Variants in SELENOP observed in about 807,000 individuals in gnomAD.
SELENOP encodes selenoprotein P, plasma, 1.
Under a neutral mutation model 41.0 loss-of-function variants are expected in SELENOP, and 36 were observed. That is an observed-to-expected ratio of 0.88 (90% CI 0.67 to 1.16). The LOEUF (loss-of-function observed/expected upper bound fraction) is 1.16. Ranked by LOEUF, SELENOP falls within the 50% of genes most tolerant of loss-of-function variation. The probability of loss-of-function intolerance (pLI) is 0.00; values close to 1 mark genes in which losing one functional copy is unlikely to be tolerated. For synonymous variants in SELENOP, 144 were observed against 150.8 expected (o/e 0.95, Z 0.33); for missense variants, 440 against 454.2 (o/e 0.97, Z 0.28).
rs952247739 is a variant in SELENOP, at chr5:42,808,255, G to A, written c.99C>T (p.Ala33=). The part of the protein sequence containing the change: ...DQSSLCKQPP[A]WSIRDQDPML... Reference sequence around the variant, plus strand: ...TTGGATCTTGATCTCTTATGCTCCAGGCTGGGGGTTGCTTACATAAGGAGC... The same window carrying A: ...TTGGATCTTGATCTCTTATGCTCCAAGCTGGGGGTTGCTTACATAAGGAGC... The change falls in exon 2 of 5, where the codon GCC becomes GCT. Residue 33 remains alanine (A), a synonymous_variant. Transcript: ENST00000514985. The A allele has an allele frequency of 6.4e-7, 1 of 1,573,582 alleles. No individual in the cohort carries two copies. Among genetic ancestry groups the A allele is most frequent in the Non-Finnish European group, 8.6e-7 (1 of 1,159,510 alleles).
intron 2 of SELENOP, chr5:42,807,623 G>C (rs1318180113): frequency 6.4e-6 from 1 of 155,064 alleles, no homozygotes; most frequent in East Asian, 1.9e-4. Context: ...TAAAGGATTT[G>C]AGCTCCATGG....
chr5:42,804,675 C>T lies in SELENOP; in HGVS notation c.515G>A (p.Cys172Tyr), dbSNP rs886488818. ...AAATACCGTGAGAGAGCAGTTTCCA[C>T]ATTTCTTTTCACAGTAAGCAATCTT... ...AIKIAYCEKK[C>Y]GNCSLTTLKD... Residue 172 changes from cysteine to tyrosine, a missense_variant, in exon 4 of 5, where the codon TGT becomes TAT. Physicochemically the swap from Cys to Tyr is radical, Grantham distance 194. Coordinates refer to ENST00000514985, the MANE Select transcript of SELENOP (RefSeq NM_005410.4). 1.5e-5 allele frequency: 24 copies of T among 1,586,664 alleles called. No individual in the cohort carries two copies. Among genetic ancestry groups the T allele is most frequent in the Admixed American group, 5.1e-5 (3 of 58,438 alleles).
chr5:42,808,580 A>C (rs1196656285), intron 1 of SELENOP, among the ~76,000 whole-genome samples: 2 of 152,070 alleles, frequency 1.3e-5, no homozygotes, highest in Admixed American at 6.6e-5. Flanking sequence ...TGTTTGAGAC[A>C]CACCAAGTTC....
At position 42,806,948 on chromosome 5, in the gene SELENOP, C is replaced by G. The variant is rs773833056; in HGVS notation, c.364G>C (p.Asp122His). ...CTTCCATTTAAAAGAGTCCAGACAT[C>G]TGTTTGGTTTTCTTCTTGTTGATAA... The part of the protein sequence containing the change: ...PVYQQEENQT[D>H]VWTLLNGSKD... Residue 122 changes from aspartate (D) to histidine (H), a missense_variant, in exon 3 of 5, where the codon GAT becomes CAT. By Grantham distance (81) the Asp-to-His change is moderately conservative. Transcript: ENST00000514985. The G allele has an allele frequency of 1.2e-6, 2 of 1,612,166 alleles. No individual in the cohort carries two copies. The highest frequency in any genetic ancestry group is 2.2e-5 in the East Asian group (1 of 44,698).
In SELENOP at chr5:42,799,952, T is replaced by C. The variant is rs1004422883; in HGVS notation, c.*768A>G. 5.6e-6 allele frequency: 4 copies of C among 717,914 alleles called. No individual in the cohort carries two copies. Among genetic ancestry groups the C allele is most frequent in the Non-Finnish European group, 8.8e-6 (4 of 452,990 alleles). 44.5% of individuals were successfully genotyped at this position (717,914 alleles called of 1,614,324 possible). A position where few individuals can be genotyped will look rare whatever the true frequency, so the allele number is the denominator to read the frequency against. On this transcript the variant is annotated 3_prime_UTR_variant, in exon 5 of 5. Transcript: ENST00000514985. ...ATCCAATTCTGTACTGCATTCTTGC[T>C]TAATAGTATTAACCATAAAGGAGGT...
Position 42,801,086 on chromosome 5 carries a change from G to T in SELENOP, c.780C>A (p.Asn260Lys), listed in dbSNP as rs779849794. 1.1e-5 allele frequency: 17 copies of T among 1,614,102 alleles called. No homozygotes were observed. The Admixed American group carries it at 1.3e-4, about 13-fold the overall frequency. ...KGQHRQGHPE[N>K]RDMPASEDLQ... is the part of the protein sequence containing the mutation. ...AATCTTCACTTGCTGGCATATCTCG[G>T]TTCTCTGGGTGACCCTGCCTATGCT... The change falls in exon 5 of 5, where the codon AAC becomes AAA. Residue 260 changes from asparagine (N) to lysine (K), a missense_variant. By Grantham distance (94) the Asn-to-Lys change is moderately conservative (BLOSUM62 0). Coordinates refer to ENST00000514985, the MANE Select transcript of SELENOP (RefSeq NM_005410.4).
At chr5:42,809,841 A>G in intron 1 of SELENOP, 1 of 551,788 alleles carries the variant, frequency 1.8e-6, no homozygotes, top group Non-Finnish European at 2.3e-6. Flanking sequence ...TAACTTACTT[A>G]TTTAAGGCCA....
Position 42,808,171 on chromosome 5 carries a change from C to A in SELENOP, c.183G>T (p.Leu61=). The change falls in exon 2 of 5, where the codon CTG becomes CTT. Residue 61 remains leucine, a synonymous_variant. Transcript: ENST00000514985. ...CTTACTTAGATGCCTGCAGTATGCA[C>A]AGGTATCAGCTGGCTTGAAGAAGAG... ...VVALLQASUY[L]CILQASKLED... is the part of the protein sequence containing the mutation. 1 of 1,546,860 alleles carries A rather than the reference C, an allele frequency of 6.5e-7. No individual in the cohort carries two copies. The highest frequency in any genetic ancestry group is 2.0e-5 in the Admixed American group (1 of 49,204).
chr5:42,810,945 AT>A (rs1159931944), intron 1 of SELENOP, among the ~76,000 whole-genome samples: 1 of 152,222 alleles, frequency 6.6e-6, no homozygotes, highest in Non-Finnish European at 1.5e-5. Context: ...TCTTAAAATT[AT>A]TTCTTACACC....
chr5:42,810,521 G>A (rs993841682), intron 1 of SELENOP, among the ~76,000 whole-genome samples: 5 of 152,148 alleles, frequency 3.3e-5, no homozygotes, highest in South Asian at 2.1e-4. Context: ...GTGCAATGGC[G>A]CAATCTCAGC....
rs1368849788 is a variant in SELENOP, at chr5:42,800,855, C to T, written c.1011G>A (p.Glu337=). ...GTCACTGACAAGATTCAGTTATGTT[C>T]TCCTCTGCCCGAAGTCCCTGTCAGC... ...LCSUQGLRAE[E]NITESCQURL... The change falls in exon 5 of 5, where the codon GAG becomes GAA. Residue 337 remains glutamate, a synonymous_variant. Transcript: ENST00000514985. The T allele has an allele frequency of 9.9e-6, 16 of 1,614,072 alleles. No individual in the cohort carries two copies. The highest frequency in any genetic ancestry group is 1.3e-5 in the African/African-American group (1 of 74,910).
At chr5:42,806,460 T>C (rs1043205858) in intron 3 of SELENOP, 12 of 155,514 alleles carry the variant, frequency 7.7e-5, no homozygotes, top group Non-Finnish European at 1.6e-4. Flanking sequence ...ATATATGGGA[T>C]CATCCTAATA....
Position 42,801,175 on chromosome 5 carries a change from C to T in SELENOP, c.691G>A (p.Ala231Thr), listed in dbSNP as rs372339051. 3.1e-6 allele frequency: 5 copies of T among 1,614,122 alleles called. No homozygotes were observed. The highest frequency in any genetic ancestry group is 3.4e-6 in the Non-Finnish European group (4 of 1,180,026). ...SELSENQQPG[A>T]PNAPTHPAPP... ...GCAGGATGAGTAGGAGCATTTGGTGCTCCTGGTTGCTGATTCTCTGAAAGC... is the reference window on the plus strand; with the variant it reads ...GCAGGATGAGTAGGAGCATTTGGTGTTCCTGGTTGCTGATTCTCTGAAAGC... Residue 231 changes from alanine to threonine, a missense_variant, in exon 5 of 5, where the codon GCA (alanine) becomes ACA (threonine). Ala to Thr is a moderately conservative substitution (Grantham distance 58, BLOSUM62 0). Transcript: ENST00000514985.
chr5:42,811,164 T>G (rs1760450400), intron 1 of SELENOP, among the ~76,000 whole-genome samples: 1 of 152,202 alleles, frequency 6.6e-6, no homozygotes, highest in Non-Finnish European at 1.5e-5. Flanking sequence ...AAAAGCAGGA[T>G]ATGTACAAAC....
chr5:42,810,142 CAG>C (rs1236352556), intron 1 of SELENOP, among the ~76,000 whole-genome samples: 1 of 152,116 alleles, frequency 6.6e-6, no homozygotes, highest in African/African-American at 2.4e-5. Context: ...TATGATCACA[CAG>C]AGAGAAAGTC....
At chr5:42,803,595 A>G (rs1176507063) in intron 4 of SELENOP, among the ~76,000 whole-genome samples, 3 of 152,204 alleles carry the variant, frequency 2.0e-5, no homozygotes, top group Non-Finnish European at 4.4e-5. Flanking sequence ...ACTTACAGAT[A>G]AAATTGTGAA....
chr5:42,806,557 A>T, intron 3 of SELENOP: 1 of 191,098 alleles, frequency 5.2e-6, no homozygotes, highest in South Asian at 1.2e-4. Context: ...TATAGCCCTG[A>T]ATAACACAAA....
intron 4 of SELENOP, chr5:42,802,249 T>C (rs1223075240): frequency 2.6e-5 from 4 of 152,216 alleles, no homozygotes; most frequent in South Asian, 4.1e-4. Context: ...TTTACTGTTT[T>C]GTGGTACCTA....
chr5:42,799,905 T>C lies in SELENOP; in HGVS notation c.*815A>G. The stretch of plus-strand genomic sequence containing the variant: ...TCAGCTTTAAGGTTTTTATTGAATT[T>C]ATTTGGACAAATCCGTACTGTATCC... On this transcript the variant is annotated 3_prime_UTR_variant, in exon 5 of 5. Transcript: ENST00000514985. The C allele has an allele frequency of 2.8e-6, 3 of 1,083,454 alleles. No homozygotes were observed. Among genetic ancestry groups the C allele is most frequent in the South Asian group, 1.5e-5 (1 of 67,382 alleles). The allele number at this position is 1,083,454 out of a possible 1,614,324, so 67.1% of individuals were successfully genotyped here.
Sources: gnomAD v4.1 joint callset for allele counts (sites outside exome capture counted in the v4.1 genomes callset) on GRCh38, gnomAD v4.1.1 for gene constraint, MANE v1.5 for transcripts, NCBI Gene and HGNC (gene_info 2026-07-23, HGNC 2026-07-21) for gene names.